Variants in ZNF267 observed in about 807,000 individuals in gnomAD.
ZNF267 encodes the protein zinc finger protein 267.
Under a neutral mutation model 71.6 loss-of-function variants are expected in ZNF267, and 61 were observed. The observed-to-expected ratio is 0.85, with a 90% confidence interval of 0.69 to 1.05. ZNF267 has a LOEUF of 1.05. Ranked by LOEUF, ZNF267 falls within the 50% of genes least tolerant of loss-of-function variation. The pLI, the probability that ZNF267 is intolerant of heterozygous loss-of-function variation, is 0.00. For synonymous variants in ZNF267, 288 were observed against 293.2 expected (o/e 0.98, Z 0.18); for missense variants, 852 against 870.0 (o/e 0.98, Z 0.26).
Position 31,916,106 on chromosome 16 carries a change from T to C in ZNF267, c.1857T>C (p.Val619=). The change falls in exon 4 of 4, where the codon GTT becomes GTC. Residue 619 remains valine, a synonymous_variant. Transcript: ENST00000300870. ...CGKAFSYSSD[V]IQHRRIHTGQ... is the part of the protein sequence containing the mutation. ...AAGCCTTTAGTTATAGTTCAGATGT[T>C]ATTCAGCATCGGAGAATTCATACTG... The C allele has an allele frequency of 1.2e-6, 2 of 1,614,090 alleles. No individual in the cohort carries two copies. The highest frequency in any genetic ancestry group is 1.7e-6 in the Non-Finnish European group (2 of 1,179,996).
rs927063839 is a variant in ZNF267 at position 31,911,014 on chromosome 16, CT to C, written c.227-3461del. ...TGTATAGTTTCCAAAATTCTTGTTA[CT>C]GATTTCTAGTTATATTCCATTGTGG... On this transcript the variant is annotated intron_variant, in intron 3 of 3. Coordinates refer to ENST00000300870, the MANE Select transcript of ZNF267 (RefSeq NM_003414.6). Among the ~76,000 whole-genome samples, 23 of 151,484 alleles carry C rather than the reference CT, an allele frequency of 1.5e-4. 1 individual carries two copies. Among genetic ancestry groups the C allele is most frequent in the Admixed American group, 5.9e-4 (9 of 15,248 alleles).
At chr16:31,874,801 C>T (rs2083840459) in intron 1 of ZNF267, among the ~76,000 whole-genome samples, 1 of 152,224 alleles carries the variant, frequency 6.6e-6, no homozygotes, top group Admixed American at 6.5e-5. Flanking sequence ...TGTGTTCCCC[C>T]AGTCTAACTG....
intron 3 of ZNF267, among the ~76,000 whole-genome samples, chr16:31,908,003 A>G (rs934265938): frequency 3.3e-5 from 5 of 152,022 alleles, no homozygotes; most frequent in African/African-American, 9.7e-5. Context: ...AGATAGCGCC[A>G]CTGCACTGCA....
intron 3 of ZNF267, among the ~76,000 whole-genome samples, chr16:31,885,540 A>G (rs745522625): frequency 6.6e-6 from 1 of 152,128 alleles, no homozygotes; most frequent in Non-Finnish European, 1.5e-5. Context: ...CTGTTCTTCC[A>G]TTGATTTGGG....
Position 31,873,949 on chromosome 16 carries a change from C to A in ZNF267, c.-18C>A. The A allele has an allele frequency of 6.2e-7, 1 of 1,613,578 alleles. No homozygotes were observed. The highest frequency in any genetic ancestry group is 8.5e-7 in the Non-Finnish European group (1 of 1,179,672). On this transcript the variant is annotated 5_prime_UTR_variant, in exon 1 of 4. Transcript: ENST00000300870. The stretch of plus-strand genomic sequence containing the variant: ...GAGATTCGTAGCTAAGACGCCAGGG[C>A]ATCCCGGAAGCTGGGAAATGGTGAG...
At chr16:31,907,933 C>T (rs1022326480) in intron 3 of ZNF267, among the ~76,000 whole-genome samples, 15 of 151,754 alleles carry the variant, frequency 9.9e-5, no homozygotes. Context: ...GTCCCAGCTA[C>T]TCAGGAGGCT....
Position 31,910,980 on chromosome 16 carries a change from A to G in ZNF267, c.227-3496A>G, listed in dbSNP as rs543905643. On this transcript the variant is annotated intron_variant, in intron 3 of 3. Coordinates refer to ENST00000300870, the MANE Select transcript of ZNF267 (RefSeq NM_003414.6). ...CATTGAGGAGCGTATTGTTTAATTT[A>G]CATTTGTTTGTATAGTTTCCAAAAT... Among the ~76,000 whole-genome samples, 22 of 151,638 alleles carry G rather than the reference A, an allele frequency of 1.5e-4. No homozygotes were observed. The South Asian group carries it at 4.4e-3, about 30-fold the overall frequency.
intron 3 of ZNF267, among the ~76,000 whole-genome samples, chr16:31,908,518 A>C (rs2084109733): frequency 6.6e-6 from 1 of 152,182 alleles, no homozygotes; most frequent in South Asian, 2.1e-4. Context: ...TTCTTGTAGT[A>C]GTTTCATAGT....
intron 1 of ZNF267, 52 bp downstream of exon 1, chr16:31,874,021 A>G (rs1370324999): frequency 5.0e-6 from 8 of 1,596,034 alleles, no homozygotes; most frequent in Non-Finnish European, 6.9e-6. Context: ...GGTGGTCGGA[A>G]GCGGCGGGAA....
chr16:31,884,743 A>G lies in ZNF267; in HGVS notation c.130+119A>G, dbSNP rs563306827. On this transcript the variant is annotated intron_variant, in intron 2 of 3. Coordinates refer to ENST00000300870, the MANE Select transcript of ZNF267 (RefSeq NM_003414.6). ...TTTTAGATTCTTGTTTTCAGGAAAAAAATAGGGGTTTTGTTGAAGTAGAAA... is the reference window on the plus strand; with the variant it reads ...TTTTAGATTCTTGTTTTCAGGAAAAGAATAGGGGTTTTGTTGAAGTAGAAA... 3.6e-6 allele frequency: 4 copies of G among 1,098,124 alleles called. No homozygotes were observed. The African/African-American group carries it at 6.4e-5, about 18-fold the overall frequency. The allele number at this position is 1,098,124 out of a possible 1,614,324, so 68.0% of individuals were successfully genotyped here. A position where few individuals can be genotyped will look rare whatever the true frequency, so the allele number is the denominator to read the frequency against.
At position 31,885,254 on chromosome 16, in the gene ZNF267, C is replaced by G. The variant is rs1247351078; in HGVS notation, c.224C>G (p.Pro75Arg). The change falls in exon 3 of 4, where the codon CCA becomes CGA. Residue 75 changes from proline to arginine, a missense_variant and splice_region_variant. Coordinates refer to ENST00000300870, the MANE Select transcript of ZNF267 (RefSeq NM_003414.6). ...VKSEETVAIQ[P>R]DVFSHYNKDL... is the part of the protein sequence containing the mutation. ...AGTGAGGAGACAGTAGCCATCCAGC[C>G]AGGTAGGTGGGAGCGAATGAAGTAG... The G allele has an allele frequency of 6.2e-7, 1 of 1,605,250 alleles. No homozygotes were observed. Among genetic ancestry groups the G allele is most frequent in the Non-Finnish European group, 8.5e-7 (1 of 1,175,628 alleles).
At chr16:31,903,704 G>T (rs894260150) in intron 3 of ZNF267, among the ~76,000 whole-genome samples, 4 of 152,068 alleles carry the variant, frequency 2.6e-5, no homozygotes, top group Admixed American at 2.0e-4. Flanking sequence ...CTTGCTATGG[G>T]TCTATGAATT....
chr16:31,895,085 A>G lies in ZNF267; in HGVS notation c.226+9829A>G, dbSNP rs2083988327. ...TTCTGCTTTGCTGATGGCCGACATC[A>G]CCTCTCATATCATCTTGCTTGCCAT... On this transcript the variant is annotated intron_variant, in intron 3 of 3. Coordinates refer to ENST00000300870, the MANE Select transcript of ZNF267 (RefSeq NM_003414.6). The G allele has an allele frequency of 3.3e-5, 7 of 213,446 alleles. No individual in the cohort carries two copies. In the South Asian group the frequency reaches 4.7e-4, roughly 14 times the overall value. The allele number at this position is 213,446 out of a possible 1,614,324, so 13.2% of individuals were successfully genotyped here.
chr16:31,893,677 T>G (rs1422111514), intron 3 of ZNF267, among the ~76,000 whole-genome samples: 3 of 152,230 alleles, frequency 2.0e-5, no homozygotes, highest in Non-Finnish European at 2.9e-5. Flanking sequence ...CAGGGATGTC[T>G]CAGGTTAAGC....
At chr16:31,894,036 T>C (rs1160768749) in intron 3 of ZNF267, among the ~76,000 whole-genome samples, 1 of 152,202 alleles carries the variant, frequency 6.6e-6, no homozygotes, top group Non-Finnish European at 1.5e-5. Flanking sequence ...CAAGTTTTTT[T>C]CTGTAGCCAG....
intron 1 of ZNF267, among the ~76,000 whole-genome samples, chr16:31,878,440 C>T (rs191529604): frequency 6.6e-6 from 1 of 152,288 alleles, no homozygotes; most frequent in Admixed American, 6.5e-5. Context: ...CAGGAGAAGG[C>T]TTGACTGTCA....
At chr16:31,878,248 C>T (rs2083865873) in intron 1 of ZNF267, among the ~76,000 whole-genome samples, 1 of 152,162 alleles carries the variant, frequency 6.6e-6, no homozygotes, top group Non-Finnish European at 1.5e-5. Context: ...GTGTTCTGCA[C>T]ACAGGCTGCC....
At chr16:31,911,982 C>CT (rs1460820029) in intron 3 of ZNF267, 4 of 151,490 alleles carry the variant, frequency 2.6e-5, no homozygotes, top group Non-Finnish European at 5.9e-5. Context: ...CATTTTTCAA[C>CT]TTTTTGTTGG....
chr16:31,874,408 T>G (rs1463463613), intron 1 of ZNF267: 1 of 162,052 alleles, frequency 6.2e-6, no homozygotes, highest in Non-Finnish European at 1.4e-5. Context: ...AATAGCGATT[T>G]GTGACATGGG....
Sources: allele counts gnomAD v4.1 joint callset (sites outside exome capture counted in the v4.1 genomes callset), GRCh38; gene constraint gnomAD v4.1.1; transcripts MANE v1.5; gene names NCBI Gene and HGNC (gene_info 2026-07-23, HGNC 2026-07-21).